FBN1: variants seen among roughly 807,000 people sequenced by gnomAD.
The protein encoded by FBN1 is fibrillin-1.
Under a neutral mutation model 365.1 loss-of-function variants are expected in FBN1, and 29 were observed. That is an observed-to-expected ratio of 0.08 (90% CI 0.06 to 0.11). FBN1 has a LOEUF of 0.11. Among genes scored for constraint, FBN1 ranks in the 10% least tolerant of loss-of-function variants. The probability of loss-of-function intolerance (pLI) is 1.00; values close to 1 mark genes in which losing one functional copy is unlikely to be tolerated. For missense variants in FBN1, 2,476 were observed against 3,703.2 expected, an observed-to-expected ratio of 0.67 and a Z score of 8.60; for synonymous variants, 1,210 against 1,270.5, an observed-to-expected ratio of 0.95 and a Z score of 1.01.
chr15:48,490,912 A>G (rs2043552973), intron 24 of FBN1, among the ~76,000 whole-genome samples: 2 of 152,254 alleles, frequency 1.3e-5, no homozygotes, highest in Non-Finnish European at 2.9e-5. Flanking sequence ...ATGAAGTGTA[A>G]TTGAAATGTA....
intron 6 of FBN1, among the ~76,000 whole-genome samples, chr15:48,552,313 C>T (rs1398075876): frequency 1.3e-5 from 2 of 150,284 alleles, no homozygotes; most frequent in Non-Finnish European, 3.0e-5. Flanking sequence ...CATTGTGTCG[C>T]CCTAGCTAGA....
At chr15:48,507,716 T>C (rs1366803747) in intron 15 of FBN1, among the ~76,000 whole-genome samples, 1 of 152,218 alleles carries the variant, frequency 6.6e-6, no homozygotes, top group Non-Finnish European at 1.5e-5. Flanking sequence ...TTGAATAGCT[T>C]GACCCTCTAC....
intron 6 of FBN1, among the ~76,000 whole-genome samples, chr15:48,572,475 A>C (rs925452086): frequency 3.3e-5 from 5 of 152,092 alleles, no homozygotes; most frequent in African/African-American, 1.2e-4. Flanking sequence ...CCAGACCAGA[A>C]ACAGTAAAAA....
chr15:48,485,295 T>C (rs2043495683), intron 30 of FBN1, 79 bp downstream of exon 30: 1 of 1,602,332 alleles, frequency 6.2e-7, no homozygotes, highest in African/African-American at 1.3e-5. Flanking sequence ...CAAGCCTGCT[T>C]GACTCCAAAG....
intron 2 of FBN1, among the ~76,000 whole-genome samples, chr15:48,615,723 AG>A (rs1363795636): frequency 6.6e-6 from 1 of 151,986 alleles, no homozygotes; most frequent in Non-Finnish European, 1.5e-5. Context: ...AATACATAAA[AG>A]TTATACTAAA....
At chr15:48,621,660 T>C (rs1889768539) in intron 2 of FBN1, among the ~76,000 whole-genome samples, 1 of 152,136 alleles carries the variant, frequency 6.6e-6, no homozygotes, top group Non-Finnish European at 1.5e-5. Flanking sequence ...AACATTTGAA[T>C]AAGGAATAGA....
chr15:48,503,737 A>T (rs1313938573), intron 17 of FBN1, 50 bp downstream of exon 17: 1 of 1,610,692 alleles, frequency 6.2e-7, no homozygotes, highest in South Asian at 1.1e-5. Flanking sequence ...AAAGACCTCA[A>T]TGGTGGCAGA....
At chr15:48,456,843 C>CGTGTGTTTGTGT in intron 43 of FBN1, 81 bp from the exon 44 acceptor site, 1 of 742,924 alleles carries the variant, frequency 1.3e-6, no homozygotes, top group Non-Finnish European at 2.3e-6. Context: ...AAAGTGCGTG[C>CGTGTGTTTGTGT]GTGTGTGTGT....
At chr15:48,596,808 A>G (rs565447045) in intron 5 of FBN1, among the ~76,000 whole-genome samples, 1 of 152,382 alleles carries the variant, frequency 6.6e-6, no homozygotes, top group Admixed American at 6.5e-5. Flanking sequence ...TTGCACAATT[A>G]ACTGCAAACA....
chr15:48,537,712 G>A lies in FBN1; in HGVS notation c.635C>T (p.Thr212Ile). 1 of 1,614,228 alleles carries A rather than the reference G, an allele frequency of 6.2e-7. No homozygotes were observed. The highest frequency in any genetic ancestry group is 8.5e-7 in the Non-Finnish European group (1 of 1,180,032). Residue 212 changes from threonine to isoleucine, a missense_variant, in exon 7 of 66, where the codon ACA (threonine) becomes ATA (isoleucine). By Grantham distance (89) the Thr-to-Ile change is moderately conservative. Coordinates refer to ENST00000316623, the MANE Select transcript of FBN1 (RefSeq NM_000138.5). ...GGGGTGGCCCCAGGCTCGGCCGACTGTGGCACAGCAGAGCGTTTTTGTGCA... is the reference window on the plus strand; with the variant it reads ...GGGGTGGCCCCAGGCTCGGCCGACTATGGCACAGCAGAGCGTTTTTGTGCA... ...IVCTKTLCCATVGRAWGHPCE... is the reference protein window; with the variant it reads ...IVCTKTLCCAIVGRAWGHPCE...
chr15:48,466,262 G>A (rs2043320928), intron 38 of FBN1, among the ~76,000 whole-genome samples: 1 of 151,982 alleles, frequency 6.6e-6, no homozygotes, highest in East Asian at 1.9e-4. Context: ...ATCTTAATTG[G>A]CTTCTTTCCA....
At chr15:48,419,618 A>C (rs1462743916) in intron 63 of FBN1, among the ~76,000 whole-genome samples, 1 of 152,214 alleles carries the variant, frequency 6.6e-6, no homozygotes, top group East Asian at 1.9e-4. Flanking sequence ...AGTCAACCCT[A>C]CATGCCACTG....
Position 48,483,804 on chromosome 15 carries a change from T to C in FBN1, c.3838+14A>G. 1 of 1,613,378 alleles carries C rather than the reference T, an allele frequency of 6.2e-7. No homozygotes were observed. Among genetic ancestry groups the C allele is most frequent in the Non-Finnish European group, 8.5e-7 (1 of 1,179,950 alleles). Reference sequence around the variant, plus strand: ...TAACAAGACAAGATGAAAAATTCTGTCTTCTTTGCTTACCTACACAAGTCT... The same window carrying C: ...TAACAAGACAAGATGAAAAATTCTGCCTTCTTTGCTTACCTACACAAGTCT... On this transcript the variant is annotated intron_variant, in intron 31 of 65. Transcript: ENST00000316623.
Position 48,534,217 on chromosome 15 carries a change from CAG to C in FBN1, c.737-14_737-13del. The C allele has an allele frequency of 6.2e-7, 1 of 1,600,866 alleles. No homozygotes were observed. On this transcript the variant is annotated splice_polypyrimidine_tract_variant and intron_variant, in intron 7 of 65. Coordinates refer to ENST00000316623, the MANE Select transcript of FBN1 (RefSeq NM_000138.5). ...GCATTCATCCACATCTGTCAGATTA[CAG>C]AAGACAGAGAGAAAAAAAAAAAACT...
At chr15:48,616,467 C>T (rs1309153996) in intron 2 of FBN1, among the ~76,000 whole-genome samples, 4 of 151,916 alleles carry the variant, frequency 2.6e-5, no homozygotes, top group Non-Finnish European at 4.4e-5. Flanking sequence ...TTTACTTATA[C>T]ACAGAAAAAA....
intron 40 of FBN1, 120 bp downstream of exon 40, chr15:48,465,448 G>T: frequency 8.6e-7 from 1 of 1,157,272 alleles, no homozygotes; most frequent in Non-Finnish European, 1.3e-6. Context: ...ACCTGGCTAT[G>T]TTCGTGTTTA....
chr15:48,419,187 A>T (rs73390298), intron 63 of FBN1, among the ~76,000 whole-genome samples: 3,755 of 152,134 alleles, frequency 0.025, 83 homozygotes, highest in East Asian at 0.081. Context: ...AGAACCCCAA[A>T]CTTCTTCTGA....
Position 48,523,716 on chromosome 15 carries a change from G to C in FBN1, c.988+2414C>G, listed in dbSNP as rs59806691. ...GTGCCACACCAAGGGTGGCTGGGGG[G>C]GGGGGGGAACCGTTGTGGTGGTATG... On this transcript the variant is annotated intron_variant, in intron 9 of 65. Coordinates refer to ENST00000316623, the MANE Select transcript of FBN1 (RefSeq NM_000138.5). Among the ~76,000 whole-genome samples, 50 of 144,398 alleles carry C rather than the reference G, an allele frequency of 3.5e-4. 2 individuals are homozygous for C. Among genetic ancestry groups the C allele is most frequent in the Non-Finnish European group, 5.0e-4 (32 of 64,262 alleles). The allele number at this position is 144,398 out of a possible 152,430, so 94.7% of individuals were successfully genotyped here. A position where few individuals can be genotyped will look rare whatever the true frequency, so the allele number is the denominator to read the frequency against.
chr15:48,455,926 G>C (rs1313347221), intron 44 of FBN1, among the ~76,000 whole-genome samples: 2 of 151,996 alleles, frequency 1.3e-5, no homozygotes, highest in African/African-American at 4.8e-5. Flanking sequence ...TAAAAATTCT[G>C]CTAGAGGCCT....
Sources: gnomAD v4.1 joint callset for allele counts (sites outside exome capture counted in the v4.1 genomes callset) on GRCh38, gnomAD v4.1.1 for gene constraint, MANE v1.5 for transcripts, NCBI Gene and HGNC (gene_info 2026-07-23, HGNC 2026-07-21) for gene names.